The following GATB variants were observed in gnomAD, a reference collection of about 807,000 sequenced individuals.
GATB encodes the protein glutamyl-tRNA(Gln) amidotransferase subunit B, mitochondrial.
GATB carries 39 observed loss-of-function variants against 62.3 expected under a neutral mutation model. The ratio of observed to expected loss-of-function variants is 0.63; its 90% CI spans 0.48 to 0.82. The LOEUF is 0.82. Ranked by LOEUF, GATB falls within the 40% of genes least tolerant of loss-of-function variation. GATB has a pLI of 0.00. For missense variants in GATB, 670 were observed against 684.0 expected (o/e 0.98, Z 0.23); for synonymous variants, 276 against 258.9 (o/e 1.07, Z -0.63).
At chr4:151,709,357 G>A (rs1322662913) in intron 5 of GATB, among the ~76,000 whole-genome samples, 1 of 152,154 alleles carries the variant, frequency 6.6e-6, no homozygotes, top group Non-Finnish European at 1.5e-5. Context: ...GGGAAAAGAT[G>A]TCTCTTAGCT....
intron 11 of GATB, among the ~76,000 whole-genome samples, chr4:151,679,548 G>A (rs1738092922): frequency 6.6e-6 from 1 of 152,214 alleles, no homozygotes; most frequent in South Asian, 2.1e-4. Context: ...CAGGAGACAT[G>A]TCAGGCGGAG....
chr4:151,754,255 T>A (rs1442465025), intron 2 of GATB, among the ~76,000 whole-genome samples: 5 of 152,216 alleles, frequency 3.3e-5, no homozygotes, highest in African/African-American at 7.2e-5. Flanking sequence ...CTACAACACA[T>A]GGAAAACGTT....
chr4:151,705,297 A>G (rs1337977447), intron 6 of GATB, 28 bp from the exon 7 acceptor site: 1 of 1,431,516 alleles, frequency 7.0e-7, no homozygotes, highest in Non-Finnish European at 9.9e-7. Flanking sequence ...ATTTAGCATC[A>G]TATTTTGATT....
intron 2 of GATB, among the ~76,000 whole-genome samples, chr4:151,736,357 A>G (rs942312399): frequency 2.6e-5 from 4 of 152,144 alleles, no homozygotes; most frequent in African/African-American, 4.8e-5. Flanking sequence ...CCAATTATAT[A>G]TTTTCTAGCT....
intron 2 of GATB, among the ~76,000 whole-genome samples, chr4:151,748,577 A>T (rs573077312): frequency 6.6e-6 from 1 of 152,326 alleles, no homozygotes; most frequent in South Asian, 2.1e-4. Flanking sequence ...AAACCTAGGC[A>T]ATACCATTCA....
intron 10 of GATB, among the ~76,000 whole-genome samples, chr4:151,686,652 G>GCCCCCCCCCC (rs374250502): frequency 2.8e-5 from 2 of 70,908 alleles, no homozygotes; most frequent in Admixed American, 1.4e-4. Flanking sequence ...TCCCCGCCCC[G>GCCCCCCCCCC]CCCCCCCCCC....
chr4:151,672,690 G>A, intron 12 of GATB, 72 bp downstream of exon 12: 1 of 1,516,968 alleles, frequency 6.6e-7, no homozygotes, highest in Non-Finnish European at 8.9e-7. Flanking sequence ...GGCTGCCACA[G>A]GGAGCGATGG....
intron 10 of GATB, among the ~76,000 whole-genome samples, chr4:151,680,170 T>C (rs1344326618): frequency 1.3e-5 from 2 of 151,890 alleles, no homozygotes; most frequent in Non-Finnish European, 2.9e-5. Flanking sequence ...TCAGTGTAAT[T>C]AGTCAAGAAA....
intron 2 of GATB, among the ~76,000 whole-genome samples, chr4:151,748,198 A>G (rs180718624): frequency 0.011 from 1,712 of 152,332 alleles, 11 homozygotes; most frequent in Non-Finnish European, 0.018. Flanking sequence ...AAGAGCCCGC[A>G]TTGCCAAGTC....
chr4:151,751,598 G>C (rs936329281), intron 2 of GATB, among the ~76,000 whole-genome samples: 5 of 152,172 alleles, frequency 3.3e-5, no homozygotes, highest in African/African-American at 1.2e-4. Flanking sequence ...ATTATGGTAG[G>C]TAAGAATTTA....
At position 151,711,736 on chromosome 4, in the gene GATB, G is replaced by A. The variant is rs1738821396; in HGVS notation, c.764-3635C>T. 2.0e-5 allele frequency among the ~76,000 whole-genome samples: 3 copies of A among 152,196 alleles called. No individual in the cohort carries two copies. The South Asian group carries it at 6.2e-4, about 32-fold the overall frequency. On this transcript the variant is annotated intron_variant, in intron 5 of 12. Transcript: ENST00000263985. ...TCACCCTCCTGAACATAAGATCCAT[G>A]TGGCAGGAACAACGCCTTTTGTGGG...
chr4:151,730,686 T>C lies in GATB; in HGVS notation c.328-11148A>G, dbSNP rs1413330738. ...AGAAGACAGACAACAGTCACTACAG[T>C]TCAGCTCAAAGGAAGCCACATCCAC... On this transcript the variant is annotated intron_variant, in intron 2 of 12. Coordinates refer to ENST00000263985, the MANE Select transcript of GATB (RefSeq NM_004564.3). The surrounding 1 kb of genome is among the most constrained non-coding windows in gnomAD (Gnocchi z 4.1). Among the ~76,000 whole-genome samples, 1 of 152,070 alleles carries C rather than the reference T, an allele frequency of 6.6e-6. No individual in the cohort carries two copies. Among genetic ancestry groups the C allele is most frequent in the African/African-American group, 2.4e-5 (1 of 41,378 alleles).
chr4:151,711,983 T>C (rs867606339), intron 5 of GATB, among the ~76,000 whole-genome samples: 1 of 152,236 alleles, frequency 6.6e-6, no homozygotes, highest in African/African-American at 2.4e-5. Flanking sequence ...TTCCAAAGTG[T>C]GCTGAGCTCC....
chr4:151,699,164 C>T (rs982098520), intron 9 of GATB, among the ~76,000 whole-genome samples: 30 of 152,072 alleles, frequency 2.0e-4, no homozygotes, highest in South Asian at 4.2e-4. Flanking sequence ...CAGAGGCAGG[C>T]GGATCACTTG....
intron 2 of GATB, chr4:151,723,140 CAGCTG>C (rs1739063384): frequency 6.6e-6 from 1 of 152,234 alleles, no homozygotes; most frequent in African/African-American, 2.4e-5. Context: ...ACACCTTTCT[CAGCTG>C]AGCCTTCAGA....
intron 2 of GATB, among the ~76,000 whole-genome samples, chr4:151,737,264 C>T (rs1739394505): frequency 6.6e-6 from 1 of 152,158 alleles, no homozygotes; most frequent in African/African-American, 2.4e-5. Flanking sequence ...GAACTTGTTG[C>T]AAACCGAAGC....
chr4:151,758,687 A>G, intron 2 of GATB, 85 bp downstream of exon 2: 2 of 1,139,002 alleles, frequency 1.8e-6, no homozygotes, highest in Non-Finnish European at 2.4e-6. Flanking sequence ...GAGTTGTGTT[A>G]TTATTAAAAC....
chr4:151,716,235 C>A, intron 4 of GATB, 104 bp from the exon 5 acceptor site: 1 of 1,194,120 alleles, frequency 8.4e-7, no homozygotes, highest in Non-Finnish European at 1.2e-6. Flanking sequence ...GAAGGACTCT[C>A]AGAGTGGTTC....
intron 5 of GATB, among the ~76,000 whole-genome samples, chr4:151,709,574 A>T (rs1738778884): frequency 6.6e-6 from 1 of 152,158 alleles, no homozygotes; most frequent in East Asian, 1.9e-4. Flanking sequence ...CCAAACTGGC[A>T]ACTAGCCCCT....
Sources: gnomAD v4.1 joint callset for allele counts (sites outside exome capture counted in the v4.1 genomes callset) on GRCh38, gnomAD v4.1.1 for gene constraint, Gnocchi (gnomAD v3.1) non-coding constraint, MANE v1.5 for transcripts, NCBI Gene and HGNC (gene_info 2026-07-23, HGNC 2026-07-21) for gene names.